Variants in DCC observed in about 807,000 individuals in gnomAD.
The protein encoded by DCC is netrin receptor DCC.
Under a neutral mutation model 172.5 loss-of-function variants are expected in DCC, and 58 were observed. That is an observed-to-expected ratio of 0.34 (90% CI 0.27 to 0.42). DCC has a LOEUF of 0.42. DCC is among the 10% of genes least tolerant of loss of function. The pLI is 1.00. For synonymous variants in DCC, 709 were observed against 644.5 expected (o/e 1.10, Z -1.52); for missense variants, 1,740 against 1,791.0 (o/e 0.97, Z 0.51).
chr18:53,518,977 A>C (rs2046369968), intron 27 of DCC, among the ~76,000 whole-genome samples: 1 of 152,096 alleles, frequency 6.6e-6, no homozygotes, highest in South Asian at 2.1e-4. Context: ...CAGAACATTT[A>C]TTTTTTACAA....
At chr18:52,931,821 G>T (rs981241668) in intron 5 of DCC, 1 of 152,034 alleles carries the variant, frequency 6.6e-6, no homozygotes, top group African/African-American at 2.4e-5. Context: ...GACACCTTTT[G>T]GGTACAAGGA....
intron 10 of DCC, 96 bp downstream of exon 10, chr18:53,205,460 C>A: frequency 8.6e-7 from 1 of 1,168,248 alleles, no homozygotes; most frequent in Non-Finnish European, 1.3e-6. Context: ...GACTCGCAAA[C>A]TCTTGAAACA....
intron 1 of DCC, among the ~76,000 whole-genome samples, chr18:52,351,653 A>G (rs999571165): frequency 2.6e-5 from 4 of 152,194 alleles, no homozygotes; most frequent in African/African-American, 9.7e-5. Flanking sequence ...TTTCTATAAA[A>G]ATAGAATTGC....
At chr18:52,632,379 C>T (rs2034693561) in intron 1 of DCC, among the ~76,000 whole-genome samples, 1 of 152,142 alleles carries the variant, frequency 6.6e-6, no homozygotes, top group African/African-American at 2.4e-5. Context: ...TAAATGATCC[C>T]AATGTTCAAC....
intron 5 of DCC, among the ~76,000 whole-genome samples, chr18:52,928,738 G>A (rs1398208820): frequency 2.0e-5 from 3 of 152,152 alleles, no homozygotes; most frequent in African/African-American, 7.2e-5. Flanking sequence ...TCTGTACCAA[G>A]TGAGAAACAA....
intron 1 of DCC, among the ~76,000 whole-genome samples, chr18:52,544,734 A>T (rs2032564638): frequency 6.6e-6 from 1 of 152,150 alleles, no homozygotes; most frequent in Non-Finnish European, 1.5e-5. Context: ...ATAGATATAG[A>T]TAGATAGATG....
At chr18:52,699,550 G>C (rs2036072744) in intron 1 of DCC, among the ~76,000 whole-genome samples, 1 of 152,154 alleles carries the variant, frequency 6.6e-6, no homozygotes, top group Non-Finnish European at 1.5e-5. Flanking sequence ...ATGTTAATCA[G>C]AATATGACCA....
chr18:52,964,877 T>A (rs912038498), intron 5 of DCC, among the ~76,000 whole-genome samples: 10 of 152,206 alleles, frequency 6.6e-5, no homozygotes, highest in Non-Finnish European at 1.2e-4. Flanking sequence ...TTTTTGCTTT[T>A]TTCAGTTTCC....
chr18:53,154,398 C>T lies in DCC; in HGVS notation c.1262-2958C>T, dbSNP rs556844872. Among the ~76,000 whole-genome samples the T allele has an allele frequency of 6.9e-4, 105 of 152,264 alleles. 1 individual carries two copies. The highest frequency in any genetic ancestry group is 1.2e-4 in the Non-Finnish European group (8 of 68,016). ...TTTACGGAGAAAGCCACCCAAGACC[C>T]ATGGTCAGCAGGAGTCAGGCCAGCA... On this transcript the variant is annotated intron_variant, in intron 7 of 28. Coordinates refer to ENST00000442544, the MANE Select transcript of DCC (RefSeq NM_005215.4).
At chr18:52,765,600 A>G (rs1428641848) in intron 2 of DCC, among the ~76,000 whole-genome samples, 1 of 151,206 alleles carries the variant, frequency 6.6e-6, no homozygotes. Context: ...TCCCTCTGTC[A>G]TTGCATGGAG....
At chr18:53,350,990 CA>C (rs1568074204) in intron 15 of DCC, among the ~76,000 whole-genome samples, 1 of 151,412 alleles carries the variant, frequency 6.6e-6, no homozygotes, top group South Asian at 2.1e-4. Flanking sequence ...GATCATTACT[CA>C]GAGTATATCA....
chr18:53,005,819 T>A (rs565270442), intron 5 of DCC, among the ~76,000 whole-genome samples: 1 of 152,354 alleles, frequency 6.6e-6, no homozygotes, highest in East Asian at 1.9e-4. Flanking sequence ...TTGGGTTTGA[T>A]GAATATAAAT....
At chr18:52,769,263 G>T (rs190047272) in intron 2 of DCC, among the ~76,000 whole-genome samples, 1 of 152,216 alleles carries the variant, frequency 6.6e-6, no homozygotes, top group South Asian at 2.1e-4. Flanking sequence ...TGACTTTTGG[G>T]CATTCTAATT....
At chr18:52,426,454 GA>G (rs1987430225) in intron 1 of DCC, among the ~76,000 whole-genome samples, 1 of 151,806 alleles carries the variant, frequency 6.6e-6, no homozygotes, top group Admixed American at 6.6e-5. Context: ...GTTATATCTA[GA>G]AAACTGTGTG....
intron 20 of DCC, among the ~76,000 whole-genome samples, chr18:53,412,401 A>C (rs748099920): frequency 1.3e-5 from 2 of 152,184 alleles, no homozygotes; most frequent in Non-Finnish European, 2.9e-5. Flanking sequence ...CTTACAAGAC[A>C]CCTACAATGG....
chr18:52,461,212 C>T (rs972512625), intron 1 of DCC, among the ~76,000 whole-genome samples: 11 of 152,100 alleles, frequency 7.2e-5, no homozygotes, highest in African/African-American at 2.7e-4. Flanking sequence ...GCTAGGCCTA[C>T]GCAGGGTCAG....
chr18:53,148,554 T>C (rs1303711548), intron 7 of DCC, among the ~76,000 whole-genome samples: 1 of 151,882 alleles, frequency 6.6e-6, no homozygotes, highest in Non-Finnish European at 1.5e-5. Context: ...GAGACATTGA[T>C]GAGAAAGATG....
At chr18:52,448,597 A>C (rs1177045387) in intron 1 of DCC, among the ~76,000 whole-genome samples, 5 of 152,182 alleles carry the variant, frequency 3.3e-5, no homozygotes, top group African/African-American at 4.8e-5. Flanking sequence ...ATGGTTAGGT[A>C]GGTGGGTGGT....
intron 7 of DCC, among the ~76,000 whole-genome samples, chr18:53,146,533 G>A (rs2043918608): frequency 6.6e-6 from 1 of 152,226 alleles, no homozygotes; most frequent in South Asian, 2.1e-4. Context: ...AATCACCTTT[G>A]AAAGGCCATA....
Sources: gnomAD v4.1 joint callset for allele counts (sites outside exome capture counted in the v4.1 genomes callset) on GRCh38, gnomAD v4.1.1 for gene constraint, MANE v1.5 for transcripts, NCBI Gene and HGNC (gene_info 2026-07-23, HGNC 2026-07-21) for gene names.